CCNE1: variants seen among roughly 807,000 people sequenced by gnomAD.
The protein encoded by CCNE1 is cyclin E1, also known as G1/S-specific cyclin-E1.
In CCNE1, 8 loss-of-function variants were observed where a neutral mutation model predicts 54.1. The observed-to-expected ratio is 0.15, with a 90% CI of 0.09 to 0.27. CCNE1 has a LOEUF of 0.27. Among genes scored for constraint, CCNE1 ranks in the 10% least tolerant of loss-of-function variants. The probability of loss-of-function intolerance (pLI) is 1.00; values close to 1 mark genes in which losing one functional copy is unlikely to be tolerated. For missense variants in CCNE1, 430 were observed against 514.9 expected (o/e 0.84, Z 1.60); for synonymous variants, 179 against 185.2 (o/e 0.97, Z 0.27).
chr19:29,815,540 C>T (rs1006551682), intron 4 of CCNE1, among the ~76,000 whole-genome samples: 2 of 151,888 alleles, frequency 1.3e-5, no homozygotes, highest in Admixed American at 1.3e-4. Flanking sequence ...TTCGAGGTAG[C>T]ACTTACAGCC....
intron 1 of CCNE1, 46 bp from the exon 2 acceptor site, chr19:29,812,486 C>A: frequency 8.2e-7 from 1 of 1,226,774 alleles, no homozygotes; most frequent in Non-Finnish European, 1.0e-6. Context: ...GGGTACTGGG[C>A]CCGCGGCCTG....
At chr19:29,812,427 A>C in intron 1 of CCNE1, 105 bp from the exon 2 acceptor site, 1 of 744,210 alleles carries the variant, frequency 1.3e-6, no homozygotes, top group Non-Finnish European at 1.8e-6. Context: ...CCACCCCGCC[A>C]TCGGCCATCT....
At chr19:29,814,105 T>G (rs2145717492) in intron 4 of CCNE1, among the ~76,000 whole-genome samples, 1 of 152,292 alleles carries the variant, frequency 6.6e-6, no homozygotes, top group East Asian at 1.9e-4. Context: ...CCACTGACTA[T>G]TGAAGAAAGG....
chr19:29,821,976 TTCTC>T lies in CCNE1; in HGVS notation c.706-16_706-13del. On this transcript the variant is annotated splice_polypyrimidine_tract_variant and intron_variant, in intron 8 of 11. Transcript: ENST00000262643. ...TTCTTTTCTCAATCATCGGTCTCTT[TTCTC>T]TCTGTTTTCCTTTAGGCCCTTAAGT... The T allele has an allele frequency of 6.2e-7, 1 of 1,601,168 alleles. No individual in the cohort carries two copies. The highest frequency in any genetic ancestry group is 1.1e-5 in the South Asian group (1 of 89,910).
At chr19:29,812,182 G>GGACTCCTGGGGCCCAGACCGC (rs1973902889) in intron 1 of CCNE1, 30 bp downstream of exon 1, 1 of 150,854 alleles carries the variant, frequency 6.6e-6, no homozygotes, top group Non-Finnish European at 1.5e-5. Flanking sequence ...CTGCGGACAG[G>GGACTCCTGGGGCCCAGACCGC]GACTCCTGGG....
chr19:29,823,962 T>C lies in CCNE1; in HGVS notation c.*185T>C. 1.8e-6 allele frequency: 1 copy of C among 570,484 alleles called. No homozygotes were observed. Among genetic ancestry groups the C allele is most frequent in the Middle Eastern group, 5.0e-4 (1 of 1,984 alleles). 35.3% of individuals were successfully genotyped at this position (570,484 alleles called of 1,614,324 possible). A position where few individuals can be genotyped will look rare whatever the true frequency, so the allele number is the denominator to read the frequency against. ...GTGTTTTTTATTGAATGCTTATAGGTTTTTTTTAAATAAGTGGGTCAAGTA... is the reference window on the plus strand; with the variant it reads ...GTGTTTTTTATTGAATGCTTATAGGCTTTTTTTAAATAAGTGGGTCAAGTA... On this transcript the variant is annotated 3_prime_UTR_variant, in exon 12 of 12. Transcript: ENST00000262643.
Position 29,817,544 on chromosome 19 carries a change from G to C in CCNE1, c.462+3G>C, listed in dbSNP as rs771629660. 2 of 1,614,174 alleles carry C rather than the reference G, an allele frequency of 1.2e-6. No homozygotes were observed. Among genetic ancestry groups the C allele is most frequent in the Non-Finnish European group, 1.7e-6 (2 of 1,180,028 alleles). On this transcript the variant is annotated splice_donor_region_variant and intron_variant, in intron 6 of 11. Coordinates refer to ENST00000262643, the MANE Select transcript of CCNE1 (RefSeq NM_001238.4). ...TTCTTCTGGATTGGTTAATGGAGGT[G>C]AGCTTGAGTCTTCCTGTTCGCTTCA...
intron 6 of CCNE1, among the ~76,000 whole-genome samples, chr19:29,820,049 G>A (rs906719759): frequency 6.6e-6 from 1 of 152,212 alleles, no homozygotes; most frequent in African/African-American, 2.4e-5. Flanking sequence ...CACTACTCTT[G>A]CCCTGTGGGG....
rs2145730107 is a variant in CCNE1 at position 29,822,534 on chromosome 19, G to A, written c.1041G>A (p.Lys347=). ...VIRETGSSKL[K]HFRGVADEDA... ...GGGAGACGGGGAGCTCAAAACTGAAGCACTTCAGGGGCGTCGCTGATGAAG... is the reference window on the plus strand; with the variant it reads ...GGGAGACGGGGAGCTCAAAACTGAAACACTTCAGGGGCGTCGCTGATGAAG... The change falls in exon 11 of 12, where the codon AAG becomes AAA. Residue 347 remains lysine, a synonymous_variant. Coordinates refer to ENST00000262643, the MANE Select transcript of CCNE1 (RefSeq NM_001238.4). The A allele has an allele frequency of 6.2e-7, 1 of 1,614,114 alleles. No homozygotes were observed. The highest frequency in any genetic ancestry group is 8.5e-7 in the Non-Finnish European group (1 of 1,180,040).
intron 6 of CCNE1, among the ~76,000 whole-genome samples, chr19:29,818,679 CA>C (rs201640622): frequency 0.018 from 2,688 of 152,196 alleles, 56 homozygotes; most frequent in African/African-American, 0.052. Flanking sequence ...TCTGTAATCC[CA>C]GCACTTTGGA....
At chr19:29,821,583 T>C in intron 7 of CCNE1, 139 bp from the exon 8 acceptor site, 1 of 311,914 alleles carries the variant, frequency 3.2e-6, no homozygotes, top group Non-Finnish European at 5.8e-6. Flanking sequence ...CAACCATTGG[T>C]GTGGCTTCTG....
At chr19:29,817,959 C>T (rs1442831069) in intron 6 of CCNE1, among the ~76,000 whole-genome samples, 1 of 139,518 alleles carries the variant, frequency 7.2e-6, no homozygotes, top group East Asian at 2.3e-4. Flanking sequence ...CTCACGGGTT[C>T]AAGTGACTTT....
At chr19:29,813,125 A>G in intron 4 of CCNE1, 88 bp downstream of exon 4, 1 of 1,244,302 alleles carries the variant, frequency 8.0e-7, no homozygotes, top group Non-Finnish European at 1.2e-6. Context: ...CTTGCTGGAG[A>G]CACTCTGGTG....
chr19:29,815,188 C>T (rs191849934), intron 4 of CCNE1, among the ~76,000 whole-genome samples: 31 of 152,360 alleles, frequency 2.0e-4, no homozygotes, highest in African/African-American at 7.5e-4. Context: ...TGTCCAAAGG[C>T]CTGCTCTCAG....
intron 4 of CCNE1, 88 bp from the exon 5 acceptor site, chr19:29,817,049 G>A: frequency 7.5e-7 from 1 of 1,326,452 alleles, no homozygotes; most frequent in South Asian, 1.4e-5. Context: ...GTATCTTACT[G>A]AGTTGCAGGT....
rs750448424 is a variant in CCNE1, at chr19:29,817,193, C to T, written c.237C>T (p.Asp79=). Residue 79 remains aspartate, a synonymous_variant, in exon 5 of 12, where the codon GAC becomes GAT. Transcript: ENST00000262643. ...ADPCSLIPTP[D]KEDDDRVYPN... ...CCTGCTCCCTGATCCCCACACCTGACAAAGAAGATGATGACCGGGTTTACC... is the reference window on the plus strand; with the variant it reads ...CCTGCTCCCTGATCCCCACACCTGATAAAGAAGATGATGACCGGGTTTACC... 1 of 1,614,192 alleles carries T rather than the reference C, an allele frequency of 6.2e-7. No homozygotes were observed. The highest frequency in any genetic ancestry group is 1.1e-5 in the South Asian group (1 of 91,084).
At chr19:29,819,616 CTT>C (rs1463437583) in intron 6 of CCNE1, among the ~76,000 whole-genome samples, 2 of 152,196 alleles carry the variant, frequency 1.3e-5, no homozygotes, top group Non-Finnish European at 2.9e-5. Context: ...TTTTATTTCT[CTT>C]TAACAGTTAA....
At chr19:29,813,280 C>T (rs1973937941) in intron 4 of CCNE1, 1 of 546,180 alleles carries the variant, frequency 1.8e-6, no homozygotes, top group South Asian at 2.2e-5. Context: ...TGTGCCTAGC[C>T]TGGAAGAACC....
At chr19:29,817,028 A>T in intron 4 of CCNE1, 109 bp from the exon 5 acceptor site, 1 of 1,116,506 alleles carries the variant, frequency 9.0e-7, no homozygotes, top group Non-Finnish European at 1.3e-6. Flanking sequence ...CACTTTCAGA[A>T]GTCATGCCTA....
Sources: allele counts gnomAD v4.1 joint callset (sites outside exome capture counted in the v4.1 genomes callset), GRCh38; gene constraint gnomAD v4.1.1; transcripts MANE v1.5; gene names NCBI Gene and HGNC (gene_info 2026-07-23, HGNC 2026-07-21).